NRCAM: variants seen among roughly 807,000 people sequenced by gnomAD.
NRCAM encodes the protein neuronal cell adhesion molecule, also known as NgCAM-related cell adhesion molecule.
Under a neutral mutation model 156.5 loss-of-function variants are expected in NRCAM, and 83 were observed. That is an observed-to-expected ratio of 0.53 (90% CI 0.44 to 0.64). The LOEUF is 0.64. Among genes scored for constraint, NRCAM ranks in the 30% least tolerant of loss-of-function variants. NRCAM has a pLI of 0.00. For missense variants in NRCAM, 1,417 were observed against 1,597.3 expected, an observed-to-expected ratio of 0.89 and a Z score of 1.92; for synonymous variants, 538 against 563.9, an observed-to-expected ratio of 0.95 and a Z score of 0.65.
Position 108,343,201 on chromosome 7 carries a change from GAACT to G in NRCAM, c.-173-30474_-173-30471del, listed in dbSNP as rs1396116892. Among the ~76,000 whole-genome samples, 8 of 152,164 alleles carry G rather than the reference GAACT, an allele frequency of 5.3e-5. No individual in the cohort carries two copies. In the South Asian group the frequency reaches 6.2e-4, roughly 12 times the overall value. On this transcript the variant is annotated intron_variant, in intron 2 of 32. Transcript: ENST00000379028. ...TCCAGGAACTAGTGCTCAGCTGGCAGAACTAATAGCCCTCATTCAGGCAGTAGAA... is the reference window on the plus strand; with the variant it reads ...TCCAGGAACTAGTGCTCAGCTGGCAGAATAGCCCTCATTCAGGCAGTAGAA...
chr7:108,337,495 A>T (rs1197425152), intron 2 of NRCAM, among the ~76,000 whole-genome samples: 1 of 152,146 alleles, frequency 6.6e-6, no homozygotes, highest in Admixed American at 6.5e-5. Context: ...CTCCTGATCC[A>T]GCGAGGGGCC....
At chr7:108,246,346 G>A (rs1562931527) in intron 3 of NRCAM, among the ~76,000 whole-genome samples, 2 of 152,180 alleles carry the variant, frequency 1.3e-5, no homozygotes, top group African/African-American at 2.4e-5. Flanking sequence ...TAGAGCCTGT[G>A]AGTTGACTTG....
At chr7:108,422,651 G>C (rs2300043) in intron 1 of NRCAM, among the ~76,000 whole-genome samples, 51,061 of 151,774 alleles carry the variant, frequency 0.34, 9,161 homozygotes, top group East Asian at 0.5. Flanking sequence ...GCAATAGGAA[G>C]CTGAGGACTG....
At chr7:108,155,068 T>C (rs2044184430) in intron 32 of NRCAM, among the ~76,000 whole-genome samples, 1 of 144,794 alleles carries the variant, frequency 6.9e-6, no homozygotes. Flanking sequence ...CAAGAAGTCA[T>C]AGAAGATGAT....
chr7:108,352,996 T>A (rs1481385422), intron 2 of NRCAM, among the ~76,000 whole-genome samples: 1 of 151,968 alleles, frequency 6.6e-6, no homozygotes, highest in Non-Finnish European at 1.5e-5. Context: ...ACCAAGCCAC[T>A]ATTTTTTTCC....
chr7:108,393,979 G>A (rs1596300201), intron 2 of NRCAM, among the ~76,000 whole-genome samples: 1 of 152,182 alleles, frequency 6.6e-6, no homozygotes, highest in Non-Finnish European at 1.5e-5. Context: ...CCCAAGGGGA[G>A]TGCACAAAAC....
intron 24 of NRCAM, 71 bp from the exon 25 acceptor site, chr7:108,180,498 A>C: frequency 7.9e-7 from 1 of 1,265,086 alleles, no homozygotes; most frequent in Non-Finnish European, 1.1e-6. Context: ...CACAAAATTG[A>C]AACTGTTGTT....
chr7:108,442,234 G>A (rs887130176), intron 1 of NRCAM, among the ~76,000 whole-genome samples: 3 of 152,232 alleles, frequency 2.0e-5, no homozygotes, highest in Non-Finnish European at 2.9e-5. Context: ...CAGAGAGCCC[G>A]GTGAGTCACA....
At chr7:108,392,429 AT>A (rs2099763230) in intron 2 of NRCAM, among the ~76,000 whole-genome samples, 1 of 152,160 alleles carries the variant, frequency 6.6e-6, no homozygotes, top group Non-Finnish European at 1.5e-5. Flanking sequence ...CCATCAGGTC[AT>A]TTAAGGATTT....
chr7:108,291,005 C>T (rs2154119515), intron 3 of NRCAM, among the ~76,000 whole-genome samples: 1 of 152,298 alleles, frequency 6.6e-6, no homozygotes, highest in Non-Finnish European at 1.5e-5. Context: ...AGAGAGAAAT[C>T]TTTCAGAGAA....
intron 2 of NRCAM, among the ~76,000 whole-genome samples, chr7:108,349,164 T>C (rs1477591035): frequency 6.6e-6 from 1 of 152,156 alleles, no homozygotes; most frequent in Non-Finnish European, 1.5e-5. Flanking sequence ...TGCCAAGTTT[T>C]AGGTTGGTTG....
chr7:108,278,553 G>T (rs998977487), intron 3 of NRCAM, among the ~76,000 whole-genome samples: 1 of 152,180 alleles, frequency 6.6e-6, no homozygotes, highest in East Asian at 1.9e-4. Flanking sequence ...GTGGGCGTGG[G>T]ACCTGCCACA....
At position 108,407,488 on chromosome 7, in the gene NRCAM, G is replaced by A. The variant is rs974539697; in HGVS notation, c.-331-7895C>T. Among the ~76,000 whole-genome samples, 3 of 152,166 alleles carry A rather than the reference G, an allele frequency of 2.0e-5. No individual in the cohort carries two copies. The South Asian group carries it at 6.2e-4, about 32-fold the overall frequency. On this transcript the variant is annotated intron_variant, in intron 1 of 32. Transcript: ENST00000379028. Reference sequence around the variant, plus strand: ...TTCCATTTCTCTCATCTAAGATTGTGATCAACTGAACCGAGAGTATTTCAG... The same window carrying A: ...TTCCATTTCTCTCATCTAAGATTGTAATCAACTGAACCGAGAGTATTTCAG...
At chr7:108,444,338 A>G (rs1324560386) in intron 1 of NRCAM, among the ~76,000 whole-genome samples, 2 of 151,954 alleles carry the variant, frequency 1.3e-5, no homozygotes, top group African/African-American at 2.4e-5. Flanking sequence ...AGACATAGCT[A>G]TATGACACAG....
At chr7:108,309,243 G>T (rs908447972) in intron 3 of NRCAM, among the ~76,000 whole-genome samples, 2 of 152,200 alleles carry the variant, frequency 1.3e-5, no homozygotes, top group Non-Finnish European at 2.9e-5. Flanking sequence ...ATGTCACAAT[G>T]AAGAGGGAGG....
At chr7:108,177,643 A>ATGTATATACGTG (rs1383910583) in intron 26 of NRCAM, among the ~76,000 whole-genome samples, 53 of 22,366 alleles carry the variant, frequency 2.4e-3, no homozygotes, top group African/African-American at 4.0e-3. Context: ...ATATATATAT[A>ATGTATATACGTG]TATATATATA....
chr7:108,237,415 A>G (rs1353270027), intron 5 of NRCAM, among the ~76,000 whole-genome samples: 1 of 152,214 alleles, frequency 6.6e-6, no homozygotes, highest in East Asian at 1.9e-4. Flanking sequence ...TTGTTCCAGA[A>G]AGCATTAATT....
At chr7:108,274,452 C>T (rs989327028) in intron 3 of NRCAM, among the ~76,000 whole-genome samples, 1 of 152,128 alleles carries the variant, frequency 6.6e-6, no homozygotes, top group Non-Finnish European at 1.5e-5. Context: ...AGAGGTCCTT[C>T]ACTACTCTTG....
chr7:108,375,952 C>T (rs1335683507), intron 2 of NRCAM, among the ~76,000 whole-genome samples: 3 of 152,176 alleles, frequency 2.0e-5, no homozygotes, highest in Non-Finnish European at 1.5e-5. Context: ...ACTGTATTAG[C>T]CAGACCTATG....
Sources: allele counts gnomAD v4.1 joint callset (sites outside exome capture counted in the v4.1 genomes callset), GRCh38; gene constraint gnomAD v4.1.1; transcripts MANE v1.5; gene names NCBI Gene and HGNC (gene_info 2026-07-23, HGNC 2026-07-21).